Variants in MYO3B observed in about 807,000 individuals in gnomAD.
The protein encoded by MYO3B is myosin IIIB.
In MYO3B, 156 loss-of-function variants were observed where a neutral mutation model predicts 174.6. The observed-to-expected ratio is 0.89, with a 90% confidence interval of 0.78 to 1.02. The LOEUF is 1.02. Ranked by LOEUF, MYO3B falls within the 50% of genes least tolerant of loss-of-function variation. MYO3B has a pLI of 0.00. For synonymous variants in MYO3B, 563 were observed against 569.1 expected, an observed-to-expected ratio of 0.99 and a Z score of 0.15; for missense variants, 1,632 against 1,639.4, an observed-to-expected ratio of 1.00 and a Z score of 0.08.
chr2:170,388,801 TG>T (rs1351155841), intron 14 of MYO3B, among the ~76,000 whole-genome samples: 2 of 152,230 alleles, frequency 1.3e-5, no homozygotes, highest in African/African-American at 2.4e-5. Context: ...GGAATTGTTC[TG>T]GGTTGAAAAC....
At chr2:170,471,146 G>A (rs954534680) in intron 25 of MYO3B, among the ~76,000 whole-genome samples, 2 of 151,940 alleles carry the variant, frequency 1.3e-5, no homozygotes, top group African/African-American at 2.4e-5. Context: ...CGCCTCCCGG[G>A]TTCAAGCAAT....
chr2:170,527,893 A>G (rs1689106323), intron 30 of MYO3B, among the ~76,000 whole-genome samples: 2 of 152,258 alleles, frequency 1.3e-5, no homozygotes, highest in South Asian at 4.1e-4. Context: ...TTTCTGTAGC[A>G]CTCACAGAAT....
intron 8 of MYO3B, among the ~76,000 whole-genome samples, chr2:170,353,520 G>A (rs933446520): frequency 4.6e-5 from 7 of 152,162 alleles, no homozygotes; most frequent in African/African-American, 1.7e-4. Flanking sequence ...CAAACCTATA[G>A]AATGTACAAC....
At chr2:170,182,814 T>C (rs1574535976) in intron 1 of MYO3B, among the ~76,000 whole-genome samples, 1 of 152,038 alleles carries the variant, frequency 6.6e-6, no homozygotes, top group Admixed American at 6.6e-5. Context: ...TTTCACCATG[T>C]TGGCCTGGCT....
intron 12 of MYO3B, chr2:170,384,036 G>A (rs1008895614): frequency 1.4e-5 from 7 of 491,288 alleles, no homozygotes; most frequent in South Asian, 1.3e-4. Flanking sequence ...ACAGTCACAT[G>A]AGGTGCGCTC....
chr2:170,649,204 AAATAATATATAATATATTATATATAAAAT>A, intron 32 of MYO3B, among the ~76,000 whole-genome samples: 1 of 39,052 alleles, frequency 2.6e-5, no homozygotes, highest in Non-Finnish European at 3.9e-5. Flanking sequence ...ATTATATATA[AAATAATATATAATATATTATATATAAAAT>A]AATATATATT....
intron 9 of MYO3B, among the ~76,000 whole-genome samples, chr2:170,378,668 T>A (rs2094312335): frequency 6.6e-6 from 1 of 152,182 alleles, no homozygotes; most frequent in Non-Finnish European, 1.5e-5. Context: ...CCAATGTTGA[T>A]CCTAGTGATA....
chr2:170,647,673 C>A (rs1002896921), intron 32 of MYO3B, among the ~76,000 whole-genome samples: 6 of 151,950 alleles, frequency 3.9e-5, no homozygotes, highest in African/African-American at 1.5e-4. Flanking sequence ...GATTAGACAC[C>A]AACAGTTGTT....
chr2:170,570,481 G>T (rs1692364952), intron 32 of MYO3B, among the ~76,000 whole-genome samples: 1 of 152,260 alleles, frequency 6.6e-6, no homozygotes, highest in Non-Finnish European at 1.5e-5. Context: ...GCTTATAAAG[G>T]TTGGGTGCAT....
At chr2:170,212,474 T>G (rs1044185912) in intron 3 of MYO3B, among the ~76,000 whole-genome samples, 6 of 152,178 alleles carry the variant, frequency 3.9e-5, no homozygotes, top group African/African-American at 1.4e-4. Context: ...CTTTTTGGTT[T>G]GCATGTCACT....
chr2:170,571,326 G>T (rs1559125952), intron 32 of MYO3B, among the ~76,000 whole-genome samples: 1 of 152,170 alleles, frequency 6.6e-6, no homozygotes, highest in Non-Finnish European at 1.5e-5. Context: ...ATTTAACATG[G>T]ACCTAGAAGT....
chr2:170,463,808 C>CATTA (rs1188122503), intron 24 of MYO3B, among the ~76,000 whole-genome samples: 1 of 152,154 alleles, frequency 6.6e-6, no homozygotes, highest in African/African-American at 2.4e-5. Flanking sequence ...GAATTGACCC[C>CATTA]TTGTAAAACC....
At chr2:170,334,715 T>C (rs1204200817) in intron 7 of MYO3B, 3 of 152,156 alleles carry the variant, frequency 2.0e-5, no homozygotes, top group Non-Finnish European at 4.4e-5. Flanking sequence ...CTCTTTTTTT[T>C]TGCCCTCTCA....
rs74897719 is a variant in MYO3B, at chr2:170,462,720, A to G, written c.2731-648A>G. On this transcript the variant is annotated intron_variant, in intron 23 of 34. Transcript: ENST00000408978. ...AAAGCAGGGTTTTTGTTGTTGCATT[A>G]TAATAATGGAACACAGGCTGCTTGC... Among the ~76,000 whole-genome samples the G allele has an allele frequency of 2.1e-3, 322 of 152,400 alleles. 1 individual carries two copies. The highest frequency in any genetic ancestry group is 7.5e-3 in the African/African-American group (310 of 41,602).
At chr2:170,326,051 G>A (rs148943389) in intron 7 of MYO3B, among the ~76,000 whole-genome samples, 3 of 151,868 alleles carry the variant, frequency 2.0e-5, no homozygotes, top group South Asian at 2.1e-4. Context: ...TGATAAGCAC[G>A]GCATGTTTAA....
At chr2:170,301,817 G>T (rs2093666920) in intron 7 of MYO3B, among the ~76,000 whole-genome samples, 1 of 150,732 alleles carries the variant, frequency 6.6e-6, no homozygotes, top group African/African-American at 2.4e-5. Flanking sequence ...TATGTGCAAG[G>T]TGAGAAAGCC....
At chr2:170,445,676 C>T (rs957137242) in intron 23 of MYO3B, among the ~76,000 whole-genome samples, 1 of 152,004 alleles carries the variant, frequency 6.6e-6, no homozygotes, top group Admixed American at 6.6e-5. Context: ...CTCTTATGGT[C>T]CAGGCTGGAG....
At chr2:170,537,012 C>T (rs1226044560) in intron 30 of MYO3B, among the ~76,000 whole-genome samples, 1 of 151,538 alleles carries the variant, frequency 6.6e-6, no homozygotes, top group Non-Finnish European at 1.5e-5. Context: ...CCAGCCTGGC[C>T]AACATAGTGA....
intron 32 of MYO3B, among the ~76,000 whole-genome samples, chr2:170,632,810 T>C (rs13427368): frequency 1.1e-4 from 16 of 151,834 alleles, no homozygotes; most frequent in Middle Eastern, 3.4e-3. Flanking sequence ...ATATCACCAC[T>C]GATCCCACAG....
Sources: gnomAD v4.1 joint callset for allele counts (sites outside exome capture counted in the v4.1 genomes callset) on GRCh38, gnomAD v4.1.1 for gene constraint, MANE v1.5 for transcripts, NCBI Gene and HGNC (gene_info 2026-07-23, HGNC 2026-07-21) for gene names.